SPAG16: variants seen among roughly 807,000 people sequenced by gnomAD.
The protein encoded by SPAG16 is sperm-associated antigen 16 protein.
A neutral mutation model predicts 80.4 loss-of-function variants in SPAG16; 86 were observed. The observed-to-expected ratio is 1.07, with a 90% confidence interval of 0.90 to 1.28. The LOEUF is 1.28. Among genes scored for constraint, SPAG16 ranks in the 50% most tolerant of loss-of-function variants. The pLI is 0.00. For synonymous variants in SPAG16, 294 were observed against 265.9 expected (o/e 1.11, Z -1.03); for missense variants, 870 against 765.3 (o/e 1.14, Z -1.61).
intron 10 of SPAG16, among the ~76,000 whole-genome samples, chr2:213,748,340 G>A (rs1173644261): frequency 6.6e-6 from 1 of 151,846 alleles, no homozygotes; most frequent in African/African-American, 2.4e-5. Context: ...ATGAACATTT[G>A]TTCATATTCT....
At chr2:214,142,167 GAGTACATCCTATCTA>G in intron 14 of SPAG16, among the ~76,000 whole-genome samples, 2 of 151,984 alleles carry the variant, frequency 1.3e-5, no homozygotes, top group East Asian at 3.9e-4. Flanking sequence ...GTCTAGAATA[GAGTACATCCTATCTA>G]TAGAGCCCTA....
chr2:214,232,217 CT>C (rs2125803792), intron 15 of SPAG16, among the ~76,000 whole-genome samples: 2 of 151,940 alleles, frequency 1.3e-5, no homozygotes, highest in Non-Finnish European at 2.9e-5. Context: ...GCTATTTATT[CT>C]TTTTTCTGGT....
intron 10 of SPAG16, among the ~76,000 whole-genome samples, chr2:213,837,250 C>T (rs12997195): frequency 0.25 from 37,712 of 152,148 alleles, 5,208 homozygotes; most frequent in Middle Eastern, 0.38. Context: ...TGTGCTAGGG[C>T]ACTAAATAGG....
chr2:214,041,459 T>TC (rs1460439527), intron 13 of SPAG16, among the ~76,000 whole-genome samples: 2 of 151,698 alleles, frequency 1.3e-5, no homozygotes, highest in Non-Finnish European at 2.9e-5. Context: ...TTTCTTTTTT[T>TC]TTTTTAAATC....
At chr2:213,547,936 C>T (rs1374004747) in intron 10 of SPAG16, among the ~76,000 whole-genome samples, 3 of 152,084 alleles carry the variant, frequency 2.0e-5, no homozygotes, top group South Asian at 2.1e-4. Flanking sequence ...TGTAGTATTA[C>T]GTTGTATAAT....
intron 11 of SPAG16, among the ~76,000 whole-genome samples, chr2:213,897,353 C>A (rs994193365): frequency 1.1e-4 from 17 of 152,198 alleles, no homozygotes; most frequent in African/African-American, 4.1e-4. Context: ...TATAATAATT[C>A]TATAATGAGA....
chr2:214,080,669 G>C (rs1023064530), intron 13 of SPAG16, among the ~76,000 whole-genome samples: 1 of 151,074 alleles, frequency 6.6e-6, no homozygotes, highest in Non-Finnish European at 1.5e-5. Context: ...CCACATTAAA[G>C]CTATTTTAAA....
intron 4 of SPAG16, among the ~76,000 whole-genome samples, chr2:213,316,396 T>C (rs1239535516): frequency 6.6e-6 from 1 of 152,072 alleles, no homozygotes; most frequent in East Asian, 1.9e-4. Flanking sequence ...TGCTCTCTCT[T>C]TGACTACTGC....
chr2:213,982,830 A>G (rs1249819046), intron 12 of SPAG16, among the ~76,000 whole-genome samples: 5 of 152,050 alleles, frequency 3.3e-5, no homozygotes, highest in Non-Finnish European at 4.4e-5. Flanking sequence ...TGATTTGTCA[A>G]TGGAGACCAA....
intron 15 of SPAG16, among the ~76,000 whole-genome samples, chr2:214,199,955 C>A (rs998030494): frequency 1.3e-5 from 2 of 152,056 alleles, no homozygotes; most frequent in African/African-American, 4.8e-5. Context: ...GATTTTGTAT[C>A]CTGAGACTTT....
intron 9 of SPAG16, among the ~76,000 whole-genome samples, chr2:213,378,570 C>T (rs990415859): frequency 1.1e-4 from 17 of 152,096 alleles, no homozygotes; most frequent in African/African-American, 2.9e-4. Context: ...GGAAATAAAA[C>T]GAAGGTATAT....
intron 9 of SPAG16, chr2:213,396,553 G>C: frequency 2.3e-6 from 1 of 434,122 alleles, no homozygotes; most frequent in Non-Finnish European, 4.6e-6. Flanking sequence ...CTCAGTGCGA[G>C]AACAGCCCTC....
chr2:213,498,744 A>T (rs2074605249), intron 10 of SPAG16, among the ~76,000 whole-genome samples: 1 of 152,046 alleles, frequency 6.6e-6, no homozygotes, highest in Non-Finnish European at 1.5e-5. Context: ...ATTTAATGTT[A>T]TTATCATCCA....
intron 10 of SPAG16, among the ~76,000 whole-genome samples, chr2:213,551,850 A>T (rs1401935134): frequency 6.6e-6 from 1 of 152,140 alleles, no homozygotes; most frequent in South Asian, 2.1e-4. Context: ...AACCTTGCCT[A>T]TCATGTCAAA....
chr2:214,324,714 T>G (rs907060944), intron 15 of SPAG16, among the ~76,000 whole-genome samples: 1 of 152,310 alleles, frequency 6.6e-6, no homozygotes, highest in East Asian at 1.9e-4. Flanking sequence ...GTTTCTGATA[T>G]TCCATCCCAC....
rs576670419 is a variant in SPAG16 at position 214,124,363 on chromosome 2, C to T, written c.1593+16102C>T. Among the ~76,000 whole-genome samples the T allele has an allele frequency of 2.0e-5, 3 of 151,692 alleles. 1 individual carries two copies. Among genetic ancestry groups the T allele is most frequent in the African/African-American group, 4.8e-5 (2 of 41,492 alleles). ...TCTCATTTAAACAGGTTTCACAGTA[C>T]GAAATTGTTCTAAGTAACGTGAAAA... On this transcript the variant is annotated intron_variant, in intron 14 of 15. Transcript: ENST00000331683.
intron 12 of SPAG16, among the ~76,000 whole-genome samples, chr2:213,958,627 A>G (rs547864383): frequency 5.9e-5 from 9 of 152,308 alleles, no homozygotes; most frequent in African/African-American, 1.4e-4. Context: ...TTTACATATA[A>G]TGTGCCAAAA....
intron 10 of SPAG16, among the ~76,000 whole-genome samples, chr2:213,628,670 G>A (rs1333345989): frequency 6.6e-6 from 1 of 152,090 alleles, no homozygotes; most frequent in Admixed American, 6.5e-5. Flanking sequence ...TGAAAAGTTT[G>A]CATTCTTTAA....
At chr2:214,214,148 C>G (rs991847019) in intron 15 of SPAG16, among the ~76,000 whole-genome samples, 2 of 151,460 alleles carry the variant, frequency 1.3e-5, no homozygotes, top group African/African-American at 4.9e-5. Flanking sequence ...CATACTGTTC[C>G]CTCTGCCTAA....
Sources: allele counts gnomAD v4.1 joint callset (sites outside exome capture counted in the v4.1 genomes callset), GRCh38; gene constraint gnomAD v4.1.1; transcripts MANE v1.5; gene names NCBI Gene and HGNC (gene_info 2026-07-23, HGNC 2026-07-21).